Variants in CUEDC1 observed in about 807,000 individuals in gnomAD.
CUEDC1 encodes CUE domain containing 1.
A neutral mutation model predicts 43.7 loss-of-function variants in CUEDC1; 30 were observed. That is an observed-to-expected ratio of 0.69 (90% CI 0.51 to 0.93). The LOEUF is 0.93. CUEDC1 is among the 40% of genes least tolerant of loss of function. The pLI is 0.00. For missense variants in CUEDC1, 486 were observed against 549.0 expected (o/e 0.89, Z 1.15); for synonymous variants, 223 against 223.6 (o/e 1.00, Z 0.02).
chr17:57,889,045 C>A (rs535539889), intron 1 of CUEDC1, among the ~76,000 whole-genome samples: 3 of 152,328 alleles, frequency 2.0e-5, no homozygotes, highest in South Asian at 4.1e-4. Flanking sequence ...GCCTTGCACT[C>A]TTGCCACTTA....
At chr17:57,885,190 C>T in intron 2 of CUEDC1, 39 bp downstream of exon 2, 1 of 1,521,268 alleles carries the variant, frequency 6.6e-7, no homozygotes, top group Non-Finnish European at 8.8e-7. Flanking sequence ...GGATGCTGTC[C>T]TCCAGTGGTG....
At chr17:57,905,702 G>A (rs1264045274) in intron 1 of CUEDC1, among the ~76,000 whole-genome samples, 4 of 152,062 alleles carry the variant, frequency 2.6e-5, no homozygotes, top group Admixed American at 6.6e-5. Context: ...AAATAGAATC[G>A]CATGAAAAAA....
chr17:57,907,056 C>T (rs1260812258), intron 1 of CUEDC1, among the ~76,000 whole-genome samples: 1 of 151,548 alleles, frequency 6.6e-6, no homozygotes, highest in African/African-American at 2.4e-5. Context: ...AGAGAGAGGG[C>T]AGCCAGCACA....
chr17:57,936,149 C>A (rs751645190), intron 1 of CUEDC1, among the ~76,000 whole-genome samples: 1 of 152,216 alleles, frequency 6.6e-6, no homozygotes, highest in Non-Finnish European at 1.5e-5. Flanking sequence ...ATCTGTCAGG[C>A]CCTGTGGGCT....
intron 1 of CUEDC1, among the ~76,000 whole-genome samples, chr17:57,926,867 C>A (rs1054220336): frequency 6.6e-6 from 1 of 152,066 alleles, no homozygotes; most frequent in Non-Finnish European, 1.5e-5. Flanking sequence ...TGGGGCTCAG[C>A]GGCTGGTGCC....
intron 1 of CUEDC1, among the ~76,000 whole-genome samples, chr17:57,905,277 C>CACACACACAT (rs1555565853): frequency 6.6e-5 from 10 of 151,054 alleles, no homozygotes; most frequent in East Asian, 3.9e-4. Flanking sequence ...CACACACACA[C>CACACACACAT]ACACACACAC....
intron 1 of CUEDC1, among the ~76,000 whole-genome samples, chr17:57,940,257 A>T (rs2074905212): frequency 6.6e-6 from 1 of 151,966 alleles, no homozygotes; most frequent in African/African-American, 2.4e-5. Flanking sequence ...AGTGTTTAAA[A>T]AAAAAAAAAA....
At chr17:57,873,483 G>A in intron 4 of CUEDC1, 108 bp downstream of exon 4, 1 of 1,286,068 alleles carries the variant, frequency 7.8e-7, no homozygotes, top group African/African-American at 1.5e-5. Flanking sequence ...AAATAGCTCA[G>A]CCTGGGTTTA....
intron 1 of CUEDC1, among the ~76,000 whole-genome samples, chr17:57,890,065 A>G (rs2074339027): frequency 6.6e-6 from 1 of 152,258 alleles, no homozygotes. Flanking sequence ...TTACAACTCC[A>G]TGAGACAGGT....
chr17:57,954,785 G>GC lies in CUEDC1; in HGVS notation c.-316+439dup, dbSNP rs1490444867. Among the ~76,000 whole-genome samples the GC allele has an allele frequency of 6.6e-6, 1 of 152,046 alleles. No homozygotes were observed. The highest frequency in any genetic ancestry group is 1.5e-5 in the Non-Finnish European group (1 of 67,962). On this transcript the variant is annotated intron_variant, in intron 1 of 10. Transcript: ENST00000577830. The surrounding 1 kb of genome is among the most constrained non-coding windows in gnomAD (Gnocchi z 4.3). ...CGCCTGCCGTCGCCGCCCAGCCTGC[G>GC]CCCCCAGGCCCGGGCACTGCGGGGA...
At chr17:57,869,397 G>A (rs2074005572) in intron 6 of CUEDC1, among the ~76,000 whole-genome samples, 1 of 152,204 alleles carries the variant, frequency 6.6e-6, no homozygotes, top group South Asian at 2.1e-4. Context: ...TAAAAATGGG[G>A]AGGGTTCAGC....
intron 1 of CUEDC1, among the ~76,000 whole-genome samples, chr17:57,910,097 T>A (rs924079124): frequency 6.6e-6 from 1 of 152,174 alleles, no homozygotes; most frequent in Non-Finnish European, 1.5e-5. Flanking sequence ...CAAGCAATCC[T>A]CCTGCCTCAG....
intron 10 of CUEDC1, among the ~76,000 whole-genome samples, chr17:57,865,823 CT>C (rs35170290): frequency 0.041 from 5,511 of 134,648 alleles, 305 homozygotes; most frequent in African/African-American, 0.13. Context: ...TTTTCTTTTT[CT>C]TTTTTTTTTT....
chr17:57,904,941 C>T lies in CUEDC1; in HGVS notation c.-315-19062G>A, dbSNP rs8069525. Reference sequence around the variant, plus strand: ...AGCAGCTCTTTTTGTAAAGGGCTTTCGGGGACAGGAAGCAATAAACAGAGT... The same window carrying T: ...AGCAGCTCTTTTTGTAAAGGGCTTTTGGGGACAGGAAGCAATAAACAGAGT... On this transcript the variant is annotated intron_variant, in intron 1 of 10. Transcript: ENST00000577830. Among the ~76,000 whole-genome samples the T allele has an allele frequency of 4.7e-3, 710 of 152,202 alleles. 2 individuals carry two copies. Among genetic ancestry groups the T allele is most frequent in the African/African-American group, 0.016 (681 of 41,508 alleles).
At chr17:57,875,043 G>A (rs1290293961) in intron 3 of CUEDC1, among the ~76,000 whole-genome samples, 4 of 152,102 alleles carry the variant, frequency 2.6e-5, no homozygotes, top group Non-Finnish European at 5.9e-5. Context: ...ATCACAACCC[G>A]GGACTCCCAT....
intron 1 of CUEDC1, among the ~76,000 whole-genome samples, chr17:57,934,547 A>C (rs2074840796): frequency 7.3e-6 from 1 of 136,640 alleles, no homozygotes; most frequent in African/African-American, 2.7e-5. Flanking sequence ...ATATAGCAAG[A>C]CCCTGTCTCT....
rs149901670 is a variant in CUEDC1 at position 57,910,528 on chromosome 17, G to A, written c.-315-24649C>T. On this transcript the variant is annotated intron_variant, in intron 1 of 10. Transcript: ENST00000577830. ...TGTAATCCCAGCACTTTGGGAGGCC[G>A]GGGCAGGAGGATCGCTTGAGCCCAG... Among the ~76,000 whole-genome samples, 661 of 152,004 alleles carry A rather than the reference G, an allele frequency of 4.3e-3. 6 individuals carry two copies. Among genetic ancestry groups the A allele is most frequent in the African/African-American group, 0.015 (628 of 41,438 alleles).
At chr17:57,899,257 C>G (rs577125495) in intron 1 of CUEDC1, among the ~76,000 whole-genome samples, 2 of 152,166 alleles carry the variant, frequency 1.3e-5, no homozygotes, top group Non-Finnish European at 2.9e-5. Flanking sequence ...CCAGCTGCAC[C>G]CCCCCAACCA....
chr17:57,920,324 G>A (rs557017409), intron 1 of CUEDC1, among the ~76,000 whole-genome samples: 35 of 152,300 alleles, frequency 2.3e-4, no homozygotes, highest in Non-Finnish European at 3.8e-4. Flanking sequence ...CCAAGTTTGA[G>A]AATCACTGCT....
Sources: allele counts gnomAD v4.1 joint callset (sites outside exome capture counted in the v4.1 genomes callset), GRCh38; gene constraint gnomAD v4.1.1; non-coding constraint Gnocchi (gnomAD v3.1); transcripts MANE v1.5; gene names NCBI Gene and HGNC (gene_info 2026-07-23, HGNC 2026-07-21).